RBPJL: variants seen among roughly 807,000 people sequenced by gnomAD.
The protein encoded by RBPJL is recombination signal binding protein for immunoglobulin kappa J region like, also known as recombining binding protein suppressor of hairless-like protein.
RBPJL carries 50 observed loss-of-function variants against 57.6 expected under a neutral mutation model. The observed-to-expected ratio is 0.87, with a 90% confidence interval of 0.69 to 1.10. RBPJL has a LOEUF of 1.10. Ranked by LOEUF, RBPJL falls within the 50% of genes least tolerant of loss-of-function variation. The probability of loss-of-function intolerance (pLI) is 0.00; values close to 1 mark genes in which losing one functional copy is unlikely to be tolerated. For missense variants in RBPJL, 684 were observed against 693.7 expected (o/e 0.99, Z 0.16); for synonymous variants, 303 against 294.4 (o/e 1.03, Z -0.30).
chr20:45,308,552 G>A, intron 2 of RBPJL: 1 of 426,154 alleles, frequency 2.3e-6, no homozygotes, highest in Non-Finnish European at 4.4e-6. Flanking sequence ...TTCATTGGAA[G>A]CTTAGAAGGC....
At chr20:45,309,755 C>T in intron 3 of RBPJL, 63 bp downstream of exon 3, 2 of 1,597,192 alleles carry the variant, frequency 1.3e-6, no homozygotes, top group Admixed American at 3.4e-5. Context: ...CCTCCTCCAT[C>T]CACCCATTGG....
chr20:45,314,519 GT>G lies in RBPJL; in HGVS notation c.975del (p.Gly326AlafsTer66), dbSNP rs747609495. ...FQFPGSPPGG[G>X]GTYLCLATEK... The stretch of plus-strand genomic sequence containing the variant: ...TTTCCAGGCAGTCCCCCAGGAGGGG[GT>G]GGCACCTACTTATGCCTTGCCACAG... On this transcript the variant is annotated frameshift_variant, in exon 9 of 12. Transcript: ENST00000343694. LOFTEE classifies it high-confidence loss of function. 6.2e-7 allele frequency: 1 copy of G among 1,614,208 alleles called. No individual in the cohort carries two copies. Among genetic ancestry groups the G allele is most frequent in the Admixed American group, 1.7e-5 (1 of 60,030 alleles).
chr20:45,308,961 A>C (rs1247054665), intron 2 of RBPJL, among the ~76,000 whole-genome samples: 1 of 152,076 alleles, frequency 6.6e-6, no homozygotes, highest in Admixed American at 6.5e-5. Flanking sequence ...GCCACTTCTC[A>C]TGGGAGAAAG....
At chr20:45,311,033 G>C (rs753271181) in intron 3 of RBPJL, among the ~76,000 whole-genome samples, 51 of 151,634 alleles carry the variant, frequency 3.4e-4, no homozygotes, top group South Asian at 8.4e-4. Context: ...GGATCAGTTG[G>C]GGAGGCAGAA....
intron 2 of RBPJL, 97 bp downstream of exon 2, chr20:45,308,348 G>A (rs953334237): frequency 6.3e-6 from 5 of 792,144 alleles, no homozygotes; most frequent in Non-Finnish European, 8.5e-6. Context: ...TGGCGGGTGG[G>A]GAGGGGAAGT....
At chr20:45,311,744 G>T in intron 4 of RBPJL, 85 bp downstream of exon 4, 6 of 1,558,336 alleles carry the variant, frequency 3.9e-6, no homozygotes, top group Middle Eastern at 1.8e-4. Context: ...GTTCGCAGGC[G>T]CAGTCTCCCC....
chr20:45,316,652 C>G (rs1399852841), intron 11 of RBPJL, 34 bp from the exon 12 acceptor site: 1 of 1,539,770 alleles, frequency 6.5e-7, no homozygotes, highest in East Asian at 2.4e-5. Flanking sequence ...TCGTCGGAGT[C>G]GCCGCAGCCC....
At chr20:45,314,213 C>A in intron 8 of RBPJL, 69 bp downstream of exon 8, 1 of 1,435,450 alleles carries the variant, frequency 7.0e-7, no homozygotes, top group Non-Finnish European at 9.7e-7. Flanking sequence ...CACACACGGG[C>A]AGGGCTGGAG....
In RBPJL at chr20:45,316,831, A is replaced by G; in HGVS notation, c.1426A>G (p.Thr476Ala). Residue 476 changes from threonine (T) to alanine (A), a missense_variant, in exon 12 of 12, where the codon ACC becomes GCC. Physicochemically the swap from Thr to Ala is moderately conservative, Grantham distance 58. Transcript: ENST00000343694. ...CCCTAGTGCCTTCTCCTTCACCTAC[A>G]CCCCGGAATACAGCGTGCGGCCGGG... The part of the protein sequence containing the change: ...FYPSAFSFTY[T>A]PEYSVRPGHP... 1.2e-6 allele frequency: 2 copies of G among 1,613,346 alleles called. No homozygotes were observed. The highest frequency in any genetic ancestry group is 8.5e-7 in the Non-Finnish European group (1 of 1,179,712).
At chr20:45,315,629 T>C (rs1439013330) in intron 9 of RBPJL, among the ~76,000 whole-genome samples, 3 of 151,450 alleles carry the variant, frequency 2.0e-5, no homozygotes, top group Non-Finnish European at 4.4e-5. Flanking sequence ...TAATCCCAGC[T>C]ACCCGGGCGC....
rs762271907 is a variant in RBPJL, at chr20:45,314,069, G to A, written c.792G>A (p.Pro264=). The A allele has an allele frequency of 2.2e-5, 35 of 1,614,192 alleles. No homozygotes were observed. Among genetic ancestry groups the A allele is most frequent in the African/African-American group, 5.3e-5 (4 of 75,066 alleles). ...ACTCTGCCCAAGGAGACTTCCCACC[G>A]CGAGAGGGCTACGTTCGCTATGGCT... ...DGHSAQGDFP[P]REGYVRYGSL... Residue 264 remains proline (P), a synonymous_variant, in exon 8 of 12, where the codon CCG becomes CCA. Coordinates refer to ENST00000343694, the MANE Select transcript of RBPJL (RefSeq NM_014276.4).
Position 45,316,168 on chromosome 20 carries a change from C to T in RBPJL, c.1021-19C>T, listed in dbSNP as rs1430622878. 1 of 1,608,454 alleles carries T rather than the reference C, an allele frequency of 6.2e-7. No homozygotes were observed. The highest frequency in any genetic ancestry group is 8.5e-7 in the Non-Finnish European group (1 of 1,175,306). On this transcript the variant is annotated intron_variant, in intron 9 of 11. Coordinates refer to ENST00000343694, the MANE Select transcript of RBPJL (RefSeq NM_014276.4). ...CACCATGAGAAGCTTCGGCCTCGTC[C>T]CCTTGGGTCTCCTCCCAGGCCTCTC...
At chr20:45,314,329 G>A in intron 8 of RBPJL, 84 bp from the exon 9 acceptor site, 4 of 1,475,500 alleles carry the variant, frequency 2.7e-6, no homozygotes, top group Admixed American at 1.7e-5. Flanking sequence ...GTGGCTATTG[G>A]AGTAGCAGAC....
rs761004185 is a variant in RBPJL at position 45,306,939 on chromosome 20, C to T, written c.17C>T (p.Ala6Val). The change falls in exon 1 of 12, where the codon GCA (alanine) becomes GTA (valine). Residue 6 changes from alanine (A) to valine (V), a missense_variant. Coordinates refer to ENST00000343694, the MANE Select transcript of RBPJL (RefSeq NM_014276.4). MDPAGAADPSVPPNPL... is the reference protein window; with the variant it reads MDPAGVADPSVPPNPL... ...GGAGCCACCATGGACCCCGCAGGGG[C>T]AGCAGGTGAGCGCTTACCCTCCCGA... 1 of 1,256,500 alleles carries T rather than the reference C, an allele frequency of 8.0e-7. No homozygotes were observed. The highest frequency in any genetic ancestry group is 3.1e-5 in the East Asian group (1 of 32,268). The allele number at this position is 1,256,500 out of a possible 1,614,324, so 77.8% of individuals were successfully genotyped here. A position where few individuals can be genotyped will look rare whatever the true frequency, so the allele number is the denominator to read the frequency against.
chr20:45,313,632 T>G (rs759682931), intron 7 of RBPJL, 27 bp downstream of exon 7: 1 of 1,573,284 alleles, frequency 6.4e-7, no homozygotes, highest in South Asian at 1.2e-5. Flanking sequence ...GCCCTGGAGC[T>G]GGGCACTTCA....
At position 45,311,606 on chromosome 20, in the gene RBPJL, C is replaced by G. The variant is rs761346277; in HGVS notation, c.275C>G (p.Pro92Arg). ...GNEKRFFCPPPCVYLSGPGWR... is the reference protein window; with the variant it reads ...GNEKRFFCPPRCVYLSGPGWR... Reference sequence around the variant, plus strand: ...CTCCGCAGGTTCTTCTGCCCCCCGCCCTGTGTCTACCTCTCGGGGCCTGGC... The same window carrying G: ...CTCCGCAGGTTCTTCTGCCCCCCGCGCTGTGTCTACCTCTCGGGGCCTGGC... Residue 92 changes from proline to arginine, a missense_variant, in exon 4 of 12, where the codon CCC becomes CGC. Physicochemically the swap from Pro to Arg is moderately radical, Grantham distance 103 (BLOSUM62 -2). Coordinates refer to ENST00000343694, the MANE Select transcript of RBPJL (RefSeq NM_014276.4). 4.3e-5 allele frequency: 69 copies of G among 1,614,098 alleles called. No individual in the cohort carries two copies. The highest frequency in any genetic ancestry group is 5.4e-5 in the Non-Finnish European group (64 of 1,180,048).
At position 45,316,864 on chromosome 20, in the gene RBPJL, G is replaced by A. The variant is rs774619476; in HGVS notation, c.1459G>A (p.Gly487Ser). 1.9e-6 allele frequency: 3 copies of A among 1,613,720 alleles called. No individual in the cohort carries two copies. Among genetic ancestry groups the A allele is most frequent in the South Asian group, 2.2e-5 (2 of 91,070 alleles). The part of the protein sequence containing the change: ...PEYSVRPGHP[G>S]VPEPATDADA... ...ATACAGCGTGCGGCCGGGTCACCCC[G>A]GCGTCCCCGAGCCCGCCACCGACGC... Residue 487 changes from glycine to serine, a missense_variant, in exon 12 of 12, where the codon GGC becomes AGC. Gly to Ser is a moderately conservative substitution (Grantham distance 56). Coordinates refer to ENST00000343694, the MANE Select transcript of RBPJL (RefSeq NM_014276.4).
At chr20:45,314,183 GA>G (rs1346186158) in intron 8 of RBPJL, 39 bp downstream of exon 8, 1 of 1,539,612 alleles carries the variant, frequency 6.5e-7, no homozygotes, top group Non-Finnish European at 9.0e-7. Flanking sequence ...GGTCCCCTCA[GA>G]TCCATGCAGA....
intron 6 of RBPJL, among the ~76,000 whole-genome samples, chr20:45,312,714 G>T (rs904716909): frequency 6.6e-6 from 1 of 151,964 alleles, no homozygotes; most frequent in Non-Finnish European, 1.5e-5. Flanking sequence ...CATAGGTGGG[G>T]CACGGTGGCT....
Sources: allele counts gnomAD v4.1 joint callset (sites outside exome capture counted in the v4.1 genomes callset), GRCh38; gene constraint gnomAD v4.1.1; transcripts MANE v1.5; gene names NCBI Gene and HGNC (gene_info 2026-07-23, HGNC 2026-07-21).